ARMC8: variants seen among roughly 807,000 people sequenced by gnomAD.
ARMC8 encodes the protein armadillo repeat-containing protein 8.
A neutral mutation model predicts 99.3 loss-of-function variants in ARMC8; 20 were observed. That is an observed-to-expected ratio of 0.20 (90% CI 0.14 to 0.29). The LOEUF is 0.29. ARMC8 is among the 10% of genes least tolerant of loss of function. The pLI, the probability that ARMC8 is intolerant of heterozygous loss-of-function variation, is 1.00. For missense variants in ARMC8, 569 were observed against 809.5 expected (o/e 0.70, Z 3.60); for synonymous variants, 263 against 278.3 (o/e 0.95, Z 0.55).
At chr3:138,235,287 A>G (rs1489901437) in intron 7 of ARMC8, among the ~76,000 whole-genome samples, 173 bp downstream of exon 7, 1 of 151,674 alleles carries the variant, frequency 6.6e-6, no homozygotes, top group Non-Finnish European at 1.5e-5. Context: ...AAAAAAAAAA[A>G]GCTGCCCTTG....
intron 1 of ARMC8, among the ~76,000 whole-genome samples, chr3:138,194,644 A>ATT (rs1362025143): frequency 6.9e-6 from 1 of 144,580 alleles, no homozygotes. Context: ...AGCTGTCATT[A>ATT]TTTTTTTTTT....
chr3:138,247,780 A>G (rs941939081), intron 12 of ARMC8, among the ~76,000 whole-genome samples: 2 of 152,234 alleles, frequency 1.3e-5, no homozygotes, highest in Non-Finnish European at 2.9e-5. Context: ...GCCAGAGAAT[A>G]TTAAGCTGAA....
chr3:138,263,886 T>C (rs1167710721), intron 13 of ARMC8, 65 bp downstream of exon 13: 1 of 1,373,772 alleles, frequency 7.3e-7, no homozygotes, highest in Non-Finnish European at 1.0e-6. Flanking sequence ...TCCTTTCTGG[T>C]CCTTCACTGA....
chr3:138,195,491 A>G (rs1324600324), intron 1 of ARMC8, among the ~76,000 whole-genome samples: 1 of 152,320 alleles, frequency 6.6e-6, no homozygotes, highest in East Asian at 1.9e-4. Flanking sequence ...AATCAGAAAC[A>G]CATTTATGTA....
At chr3:138,245,754 T>G in intron 12 of ARMC8, 1 of 987,704 alleles carries the variant, frequency 1.0e-6, no homozygotes, top group Non-Finnish European at 1.2e-6. Context: ...TATAGCACCC[T>G]TATGTTACTA....
intron 18 of ARMC8, among the ~76,000 whole-genome samples, chr3:138,275,149 G>A (rs2049154636): frequency 6.6e-6 from 1 of 152,004 alleles, no homozygotes; most frequent in South Asian, 2.1e-4. Flanking sequence ...ATTTTATTTT[G>A]CTCTAAAAAC....
intron 18 of ARMC8, among the ~76,000 whole-genome samples, chr3:138,276,446 G>A (rs376572253): frequency 1.3e-5 from 2 of 152,114 alleles, no homozygotes; most frequent in African/African-American, 2.4e-5. Flanking sequence ...GTTCAACATT[G>A]TGCTGGAATT....
At position 138,228,963 on chromosome 3, in the gene ARMC8, C is replaced by T. The variant is rs758427027; in HGVS notation, c.481C>T (p.Arg161Cys). 8.1e-6 allele frequency: 13 copies of T among 1,609,404 alleles called. No individual in the cohort carries two copies. Among genetic ancestry groups the T allele is most frequent in the Non-Finnish European group, 1.1e-5 (13 of 1,177,528 alleles). Residue 161 changes from arginine to cysteine, a missense_variant, in exon 6 of 22, where the codon CGC (arginine) becomes TGC (cysteine). By Grantham distance (180) the Arg-to-Cys change is radical. Coordinates refer to ENST00000469044, the MANE Select transcript of ARMC8 (RefSeq NM_001363941.2). ...PHLMALLSRS[R>C]YTQEYICQIF... ...CCTCATGGCACTGCTTAGCAGGTCC[C>T]GCTATACCCAGGAGTACATCTGTCA...
chr3:138,243,628 C>T (rs1260730206), intron 11 of ARMC8, among the ~76,000 whole-genome samples: 1 of 152,078 alleles, frequency 6.6e-6, no homozygotes, highest in Non-Finnish European at 1.5e-5. Context: ...TTCAGAGCCA[C>T]CCCAAATTAT....
At chr3:138,188,061 C>T (rs1347380553) in intron 1 of ARMC8, 3 of 225,608 alleles carry the variant, frequency 1.3e-5, no homozygotes, top group East Asian at 1.0e-4. Flanking sequence ...GCCCCCATTT[C>T]CTCAGAGCTG....
intron 12 of ARMC8, among the ~76,000 whole-genome samples, chr3:138,257,566 C>T (rs2047468876): frequency 6.6e-6 from 1 of 152,136 alleles, no homozygotes; most frequent in South Asian, 2.1e-4. Flanking sequence ...TGCCTTCTTA[C>T]CTCATGGCCC....
At chr3:138,202,125 A>G (rs2107994058) in intron 1 of ARMC8, among the ~76,000 whole-genome samples, 1 of 152,268 alleles carries the variant, frequency 6.6e-6, no homozygotes, top group East Asian at 1.9e-4. Context: ...CCAAACCAGG[A>G]TTTTCTCTCA....
At chr3:138,199,300 A>G (rs898419530) in intron 1 of ARMC8, among the ~76,000 whole-genome samples, 1 of 152,236 alleles carries the variant, frequency 6.6e-6, no homozygotes, top group Admixed American at 6.5e-5. Context: ...AAAGAGCAAA[A>G]CAAAATAAAA....
chr3:138,215,543 C>T (rs2044975454), intron 2 of ARMC8, among the ~76,000 whole-genome samples: 1 of 152,104 alleles, frequency 6.6e-6, no homozygotes. Flanking sequence ...GTATAAAGCG[C>T]TTAACTGCAT....
intron 12 of ARMC8, chr3:138,246,074 T>C: frequency 1.0e-6 from 1 of 985,228 alleles, no homozygotes; most frequent in Middle Eastern, 5.2e-4. Context: ...AATCACAAAG[T>C]ATTAGAGTTT....
chr3:138,243,408 GA>G (rs1478363449), intron 11 of ARMC8, among the ~76,000 whole-genome samples: 1 of 152,130 alleles, frequency 6.6e-6, no homozygotes, highest in East Asian at 1.9e-4. Context: ...CCCGTAAAGA[GA>G]AATCTTCACA....
At position 138,296,082 on chromosome 3, in the gene ARMC8, C is replaced by T. The variant is rs1265225013; in HGVS notation, c.*190C>T. ...CATTTTTTTGAGGTAGTAATTTCCT[C>T]AGAAGACTCTTGTGTTTTGTTTTGG... On this transcript the variant is annotated 3_prime_UTR_variant, in exon 22 of 22. Transcript: ENST00000469044. 1 of 516,216 alleles carries T rather than the reference C, an allele frequency of 1.9e-6. No homozygotes were observed. The highest frequency in any genetic ancestry group is 3.4e-5 in the East Asian group (1 of 29,740). The allele number at this position is 516,216 out of a possible 1,614,324, so 32.0% of individuals were successfully genotyped here. A position where few individuals can be genotyped will look rare whatever the true frequency, so the allele number is the denominator to read the frequency against.
intron 15 of ARMC8, among the ~76,000 whole-genome samples, chr3:138,268,046 CA>C (rs2048439506): frequency 6.6e-6 from 1 of 152,012 alleles, no homozygotes; most frequent in Admixed American, 6.6e-5. Context: ...AGTTTGAGAC[CA>C]GCCTGGCCAA....
chr3:138,206,351 G>A (rs1242740127), intron 1 of ARMC8, among the ~76,000 whole-genome samples: 3 of 152,172 alleles, frequency 2.0e-5, no homozygotes, highest in Non-Finnish European at 4.4e-5. Flanking sequence ...TGAGGCTAGA[G>A]GCTGGCTTAC....
Sources: gnomAD v4.1 joint callset for allele counts (sites outside exome capture counted in the v4.1 genomes callset) on GRCh38, gnomAD v4.1.1 for gene constraint, MANE v1.5 for transcripts, NCBI Gene and HGNC (gene_info 2026-07-23, HGNC 2026-07-21) for gene names.